Variants in RUFY4 observed in about 807,000 individuals in gnomAD.
RUFY4 encodes the protein RUN and FYVE domain-containing protein 4.
RUFY4 carries 73 observed loss-of-function variants against 69.0 expected under a neutral mutation model. The ratio of observed to expected loss-of-function variants is 1.06; its 90% CI spans 0.88 to 1.29. The LOEUF is 1.29. Ranked by LOEUF, RUFY4 falls within the 50% of genes most tolerant of loss-of-function variation. RUFY4 has a pLI of 0.00. For synonymous variants in RUFY4, 287 were observed against 271.8 expected (o/e 1.06, Z -0.55); for missense variants, 770 against 705.6 (o/e 1.09, Z -1.03).
At chr2:218,060,234 G>T in intron 3 of RUFY4, 3 of 1,091,780 alleles carry the variant, frequency 2.7e-6, no homozygotes, top group Non-Finnish European at 3.9e-6. Context: ...CACAGTGGGG[G>T]CTGCACTGAC....
At chr2:218,060,982 C>T (rs1343643528) in intron 3 of RUFY4, 9 of 798,584 alleles carry the variant, frequency 1.1e-5, no homozygotes. Flanking sequence ...TGGACAATGG[C>T]CAGGTAACAG....
intron 1 of RUFY4, chr2:218,035,289 C>T (rs1958956817): frequency 6.6e-6 from 1 of 152,102 alleles, no homozygotes; most frequent in Non-Finnish European, 1.5e-5. Flanking sequence ...GGAGGAGACA[C>T]ATGGAGCCGT....
chr2:218,038,602 T>C (rs1237062133), intron 2 of RUFY4, among the ~76,000 whole-genome samples: 1 of 152,182 alleles, frequency 6.6e-6, no homozygotes, highest in Non-Finnish European at 1.5e-5. Context: ...AATTAGATGA[T>C]CATGTTATCA....
intron 2 of RUFY4, among the ~76,000 whole-genome samples, chr2:218,050,307 T>A (rs1688914868): frequency 6.6e-6 from 1 of 152,192 alleles, no homozygotes; most frequent in South Asian, 2.1e-4. Flanking sequence ...TTCCTCTTGA[T>A]CACAGGACAA....
rs1256050115 is a variant in RUFY4 at position 218,083,118 on chromosome 2, AAG to A, written c.1371_1372del (p.Arg457SerfsTer15). 2.5e-6 allele frequency: 4 copies of A among 1,612,840 alleles called. No homozygotes were observed. Among genetic ancestry groups the A allele is most frequent in the Admixed American group, 1.7e-5 (1 of 59,954 alleles). ...CTTCCTTCTGTACCCAGGTGTCAGG[AAG>A]AGAGAGCCGAGCTGCAGGCACAGCT... On this transcript the variant is annotated frameshift_variant, in exon 9 of 11. Transcript: ENST00000344321. LOFTEE classifies it high-confidence loss of function.
upstream of RUFY4, among the ~76,000 whole-genome samples, chr2:218,066,333 G>A (rs1387250090): frequency 6.6e-6 from 1 of 152,006 alleles, no homozygotes; most frequent in South Asian, 2.1e-4. Context: ...ACAGGCGCCT[G>A]CAACCACACT....
chr2:218,060,877 G>T, intron 3 of RUFY4: 2 of 1,288,736 alleles, frequency 1.6e-6, no homozygotes, highest in Non-Finnish European at 2.3e-6. Flanking sequence ...CTTCGGAAAA[G>T]CAAGATGCGT....
intron 2 of RUFY4, among the ~76,000 whole-genome samples, chr2:218,044,956 C>T (rs1054929687): frequency 1.3e-5 from 2 of 152,114 alleles, no homozygotes; most frequent in East Asian, 3.8e-4. Flanking sequence ...TGTGTATACC[C>T]AGTAATGGAA....
At chr2:218,086,097 G>A (rs1309968327) in intron 9 of RUFY4, among the ~76,000 whole-genome samples, 1 of 152,124 alleles carries the variant, frequency 6.6e-6, no homozygotes, top group Non-Finnish European at 1.5e-5. Flanking sequence ...TTAAAATTAT[G>A]ATCACTGAAT....
At chr2:218,059,533 T>G (rs561274018) in intron 3 of RUFY4, 3 of 167,088 alleles carry the variant, frequency 1.8e-5, no homozygotes, top group Non-Finnish European at 2.9e-5. Flanking sequence ...TTTATCTGTT[T>G]ATGTCTGGCT....
intron 8 of RUFY4, among the ~76,000 whole-genome samples, chr2:218,079,360 G>T (rs1689709179): frequency 6.6e-6 from 1 of 152,184 alleles, no homozygotes; most frequent in Admixed American, 6.5e-5. Flanking sequence ...TGGATATGCT[G>T]TATGAAAGAA....
intron 7 of RUFY4, among the ~76,000 whole-genome samples, chr2:218,076,073 C>A (rs1689625278): frequency 6.6e-6 from 1 of 152,204 alleles, no homozygotes; most frequent in East Asian, 1.9e-4. Context: ...GATGGTAAGT[C>A]TCTTCCCGAA....
At chr2:218,090,027 C>T in exon 11 of RUFY4, 1 of 1,557,810 alleles carries the variant, frequency 6.4e-7, no homozygotes, top group African/African-American at 1.4e-5. Flanking sequence ...CACCCTGCGC[C>T]CAGGGAAGAG....
intron 8 of RUFY4, among the ~76,000 whole-genome samples, chr2:218,081,347 C>A (rs967969686): frequency 3.3e-5 from 5 of 152,186 alleles, no homozygotes; most frequent in Admixed American, 1.3e-4. Context: ...CCATGCCTGG[C>A]TCTATATTGC....
At chr2:218,072,788 C>G (rs1358670920) in exon 4 of RUFY4, 1 of 1,529,972 alleles carries the variant, frequency 6.5e-7, no homozygotes, top group Admixed American at 2.0e-5. Flanking sequence ...GTTGAAGACC[C>G]CTCTGGGGAA....
At chr2:218,075,841 G>A (rs1574512724) in intron 7 of RUFY4, 101 bp downstream of exon 9, 17 of 1,216,156 alleles carry the variant, frequency 1.4e-5, no homozygotes, top group Non-Finnish European at 1.7e-5. Flanking sequence ...CCTCCCACGG[G>A]TCAATTTTTA....
intron 2 of RUFY4, among the ~76,000 whole-genome samples, chr2:218,048,617 CTTTA>C (rs1688881127): frequency 6.6e-6 from 1 of 151,972 alleles, no homozygotes; most frequent in Non-Finnish European, 1.5e-5. Context: ...ATTTGATTCC[CTTTA>C]TTGTCTCTCT....
At chr2:218,079,079 G>A (rs1313207680) in intron 8 of RUFY4, among the ~76,000 whole-genome samples, 1 of 152,186 alleles carries the variant, frequency 6.6e-6, no homozygotes, top group African/African-American at 2.4e-5. Flanking sequence ...ATGTTGGCCA[G>A]GCTGGTCTCA....
intron 2 of RUFY4, 131 bp from the exon 5 acceptor site, chr2:218,072,243 G>A: frequency 1.8e-6 from 2 of 1,113,054 alleles, no homozygotes; most frequent in Middle Eastern, 2.9e-4. Context: ...TAAGGACAGG[G>A]CTGGGTCTGG....
Sources: allele counts gnomAD v4.1 joint callset (sites outside exome capture counted in the v4.1 genomes callset), GRCh38; gene constraint gnomAD v4.1.1; transcripts MANE v1.5; gene names NCBI Gene and HGNC (gene_info 2026-07-23, HGNC 2026-07-21).